PDZRN4: variants seen among roughly 807,000 people sequenced by gnomAD.
PDZRN4 encodes PDZ domain containing ring finger 4, also known as PDZ domain-containing RING finger protein 4.
Under a neutral mutation model 99.0 loss-of-function variants are expected in PDZRN4, and 70 were observed. That is an observed-to-expected ratio of 0.71 (90% CI 0.58 to 0.86). The LOEUF (loss-of-function observed/expected upper bound fraction) is 0.86, where lower values mean the gene tolerates loss of function less well. Ranked by LOEUF, PDZRN4 falls within the 40% of genes least tolerant of loss-of-function variation. The probability of loss-of-function intolerance (pLI) is 0.00; values close to 1 mark genes in which losing one functional copy is unlikely to be tolerated. For missense variants in PDZRN4, 1,474 were observed against 1,331.2 expected (o/e 1.11, Z -1.67); for synonymous variants, 551 against 501.6 (o/e 1.10, Z -1.32).
chr12:41,396,448 C>T (rs944889262), intron 3 of PDZRN4, among the ~76,000 whole-genome samples: 1 of 152,044 alleles, frequency 6.6e-6, no homozygotes. Context: ...ACACAATTTC[C>T]GGATATCAAA....
At chr12:41,303,984 G>T (rs1698404058) in intron 3 of PDZRN4, among the ~76,000 whole-genome samples, 1 of 152,134 alleles carries the variant, frequency 6.6e-6, no homozygotes, top group African/African-American at 2.4e-5. Context: ...AAAATCTCAT[G>T]CTCTAGGTAA....
chr12:41,370,992 T>A lies in PDZRN4; in HGVS notation c.844-135464T>A, dbSNP rs79162706. 5.5e-4 allele frequency among the ~76,000 whole-genome samples: 83 copies of A among 151,670 alleles called. No individual in the cohort carries two copies. The East Asian group carries it at 0.014, about 26-fold the overall frequency. On this transcript the variant is annotated intron_variant, in intron 3 of 9. Transcript: ENST00000402685. ...AGATTCCTCTATTATATGCACTTTC[T>A]GAAATTTTATTTTAGATGATTTTCA...
intron 3 of PDZRN4, among the ~76,000 whole-genome samples, chr12:41,434,481 T>G (rs1282498945): frequency 6.6e-6 from 1 of 152,196 alleles, no homozygotes; most frequent in Non-Finnish European, 1.5e-5. Flanking sequence ...TCATTTAATC[T>G]TCAATTATTA....
Position 41,401,191 on chromosome 12 carries a change from C to T in PDZRN4, c.844-105265C>T, listed in dbSNP as rs1340992525. ...CTGCTTGCTAAGTAAGTTAAAAATA[C>T]CCACGAAGATACAAATTGTCACCAA... On this transcript the variant is annotated intron_variant, in intron 3 of 9. Coordinates refer to ENST00000402685, the MANE Select transcript of PDZRN4 (RefSeq NM_001164595.2). Among the ~76,000 whole-genome samples, 3 of 152,128 alleles carry T rather than the reference C, an allele frequency of 2.0e-5. No homozygotes were observed. The East Asian group carries it at 5.8e-4, about 29-fold the overall frequency.
intron 7 of PDZRN4, among the ~76,000 whole-genome samples, chr12:41,561,380 T>C (rs1199805222): frequency 6.6e-6 from 1 of 151,852 alleles, no homozygotes; most frequent in Non-Finnish European, 1.5e-5. Flanking sequence ...AGACATTCTA[T>C]GTACCAGGCA....
chr12:41,364,874 A>T (rs17129291), intron 3 of PDZRN4, among the ~76,000 whole-genome samples: 40,883 of 152,028 alleles, frequency 0.27, 5,533 homozygotes, highest in Admixed American at 0.3. Flanking sequence ...CATTTCAAGT[A>T]GGGATTGTCT....
At chr12:41,371,242 G>C (rs1468722154) in intron 3 of PDZRN4, among the ~76,000 whole-genome samples, 2 of 150,410 alleles carry the variant, frequency 1.3e-5, no homozygotes, top group Non-Finnish European at 3.0e-5. Context: ...TTAAATTTTT[G>C]GTTTGAGATT....
intron 3 of PDZRN4, among the ~76,000 whole-genome samples, chr12:41,256,766 A>G (rs1486419599): frequency 3.3e-5 from 5 of 152,114 alleles, no homozygotes; most frequent in Admixed American, 2.6e-4. Flanking sequence ...CTAACTCAAA[A>G]GGTCCATCTC....
At chr12:41,376,274 CTA>C (rs1389644990) in intron 3 of PDZRN4, among the ~76,000 whole-genome samples, 3 of 152,096 alleles carry the variant, frequency 2.0e-5, no homozygotes, top group African/African-American at 7.2e-5. Flanking sequence ...TATGGTAATT[CTA>C]TTTTTAATTT....
rs1357185227 is a variant in PDZRN4 at position 41,231,788 on chromosome 12, A to G, written c.843+37600A>G. Among the ~76,000 whole-genome samples the G allele has an allele frequency of 2.6e-5, 4 of 152,040 alleles. No individual in the cohort carries two copies. In the East Asian group the frequency reaches 7.7e-4, roughly 29 times the overall value. On this transcript the variant is annotated intron_variant, in intron 3 of 9. Transcript: ENST00000402685. The stretch of plus-strand genomic sequence containing the variant: ...TTGTCAATTACAGTTACTAAACTAC[A>G]TCTTGAGTTGTGGTCAGTTCTAGTA...
intron 3 of PDZRN4, among the ~76,000 whole-genome samples, chr12:41,480,384 A>G (rs1937653803): frequency 1.3e-5 from 2 of 152,188 alleles, no homozygotes; most frequent in South Asian, 4.1e-4. Context: ...ATATCTATTT[A>G]TTATATTACG....
At chr12:41,223,381 C>G (rs1225739611) in intron 3 of PDZRN4, among the ~76,000 whole-genome samples, 1 of 152,074 alleles carries the variant, frequency 6.6e-6, no homozygotes, top group Non-Finnish European at 1.5e-5. Flanking sequence ...CTTCTCTTCT[C>G]TACTCCTCCC....
At chr12:41,491,086 A>T (rs17129392) in intron 3 of PDZRN4, among the ~76,000 whole-genome samples, 22,737 of 152,088 alleles carry the variant, frequency 0.15, 1,780 homozygotes, top group South Asian at 0.24. Flanking sequence ...CTGAGTGTCC[A>T]GTGGGGTAGC....
chr12:41,273,746 T>G (rs1951331718), intron 3 of PDZRN4, among the ~76,000 whole-genome samples: 3 of 152,130 alleles, frequency 2.0e-5, no homozygotes, highest in African/African-American at 7.2e-5. Flanking sequence ...TAAAATATGT[T>G]TTCAGGTTTA....
At chr12:41,263,862 G>A (rs530705328) in intron 3 of PDZRN4, among the ~76,000 whole-genome samples, 1 of 152,034 alleles carries the variant, frequency 6.6e-6, no homozygotes, top group South Asian at 2.1e-4. Context: ...AATACAAGAA[G>A]GAGGCTCCTC....
chr12:41,464,916 C>T (rs184349994), intron 3 of PDZRN4, among the ~76,000 whole-genome samples: 148 of 151,222 alleles, frequency 9.8e-4, no homozygotes, highest in African/African-American at 3.4e-3. Flanking sequence ...CCCCCTCCTC[C>T]CAGGTTCAAG....
At chr12:41,293,302 G>GA (rs959162856) in intron 3 of PDZRN4, among the ~76,000 whole-genome samples, 2 of 149,680 alleles carry the variant, frequency 1.3e-5, no homozygotes, top group East Asian at 2.0e-4. Flanking sequence ...TGCTGACGAG[G>GA]AAAAAAATAT....
intron 9 of PDZRN4, among the ~76,000 whole-genome samples, chr12:41,568,898 G>A (rs891344194): frequency 2.6e-5 from 4 of 151,358 alleles, no homozygotes; most frequent in Admixed American, 6.6e-5. Context: ...TCCGCCTCCC[G>A]GGTTCAATTG....
chr12:41,381,103 T>A (rs560555286), intron 3 of PDZRN4, among the ~76,000 whole-genome samples: 2 of 152,182 alleles, frequency 1.3e-5, no homozygotes, highest in Non-Finnish European at 2.9e-5. Flanking sequence ...TTGAGGCTCC[T>A]TTCTATGTGA....
Sources: gnomAD v4.1 joint callset for allele counts (sites outside exome capture counted in the v4.1 genomes callset) on GRCh38, gnomAD v4.1.1 for gene constraint, MANE v1.5 for transcripts, NCBI Gene and HGNC (gene_info 2026-07-23, HGNC 2026-07-21) for gene names.